C8orf34: variants seen among roughly 807,000 people sequenced by gnomAD.
The protein encoded by C8orf34 is chromosome 8 open reading frame 34.
In C8orf34, 65 loss-of-function variants were observed where a neutral mutation model predicts 68.3. The observed-to-expected ratio is 0.95, with a 90% CI of 0.78 to 1.17. The LOEUF (loss-of-function observed/expected upper bound fraction) is 1.17. Among genes scored for constraint, C8orf34 ranks in the 50% most tolerant of loss-of-function variants. The pLI is 0.00. For synonymous variants in C8orf34, 244 were observed against 241.2 expected, an observed-to-expected ratio of 1.01 and a Z score of -0.11; for missense variants, 664 against 655.4, an observed-to-expected ratio of 1.01 and a Z score of -0.14.
chr8:68,431,021 A>G (rs17467559), intron 1 of C8orf34, among the ~76,000 whole-genome samples: 13,251 of 152,248 alleles, frequency 0.087, 666 homozygotes, highest in Middle Eastern at 0.12. Flanking sequence ...TTTAGGGATG[A>G]TAAAATGGAG....
rs142234572 is a variant in C8orf34, at chr8:68,733,012, T to C, written c.1404+11575T>C. Among the ~76,000 whole-genome samples the C allele has an allele frequency of 4.7e-3, 722 of 152,224 alleles. 3 individuals are homozygous for C. Among genetic ancestry groups the C allele is most frequent in the African/African-American group, 0.016 (644 of 41,536 alleles). On this transcript the variant is annotated intron_variant, in intron 10 of 13. Coordinates refer to ENST00000518698, the MANE Select transcript of C8orf34 (RefSeq NM_052958.4). ...CTTGGAGGCGGAGGTTGCAGTGAGC[T>C]GAGATCACCCCACTGTGCTCCAGCC...
At chr8:68,492,315 G>C (rs1209423069) in intron 5 of C8orf34, among the ~76,000 whole-genome samples, 1 of 151,982 alleles carries the variant, frequency 6.6e-6, no homozygotes, top group Non-Finnish European at 1.5e-5. Flanking sequence ...CTGCAATCTC[G>C]ATCTCCTGGG....
At chr8:68,495,274 A>AATAT (rs142794937) in intron 5 of C8orf34, among the ~76,000 whole-genome samples, 24 of 148,894 alleles carry the variant, frequency 1.6e-4, no homozygotes, top group African/African-American at 3.7e-4. Flanking sequence ...ATGTAACAAT[A>AATAT]ATATATATAT....
intron 10 of C8orf34, among the ~76,000 whole-genome samples, chr8:68,724,310 A>G (rs1423726941): frequency 6.6e-6 from 1 of 152,202 alleles, no homozygotes; most frequent in Non-Finnish European, 1.5e-5. Flanking sequence ...CGTAAGAAAT[A>G]CAAAATACTT....
chr8:68,639,792 T>C (rs1270245704), intron 7 of C8orf34, among the ~76,000 whole-genome samples: 2 of 152,152 alleles, frequency 1.3e-5, no homozygotes, highest in African/African-American at 4.8e-5. Context: ...CTTTGGAGCA[T>C]GACTATTCAG....
intron 4 of C8orf34, among the ~76,000 whole-genome samples, chr8:68,471,714 T>C (rs1180346459): frequency 6.6e-6 from 1 of 152,148 alleles, no homozygotes; most frequent in African/African-American, 2.4e-5. Flanking sequence ...GGCATAATCA[T>C]TGATGCAAAA....
intron 1 of C8orf34, among the ~76,000 whole-genome samples, chr8:68,381,061 A>C (rs562851280): frequency 3.9e-5 from 6 of 152,360 alleles, no homozygotes; most frequent in South Asian, 2.1e-4. Context: ...ATCAGAAAGC[A>C]CAGCTTGAAT....
intron 1 of C8orf34, among the ~76,000 whole-genome samples, chr8:68,425,575 T>C (rs1164444508): frequency 6.6e-6 from 1 of 152,124 alleles, no homozygotes; most frequent in African/African-American, 2.4e-5. Context: ...CGATGAAAAG[T>C]ACAAAATGCT....
chr8:68,381,504 G>T (rs1295686245), intron 1 of C8orf34, among the ~76,000 whole-genome samples: 1 of 151,100 alleles, frequency 6.6e-6, no homozygotes, highest in African/African-American at 2.4e-5. Flanking sequence ...AGGCCGAGGC[G>T]GGTGGATCAT....
At chr8:68,555,018 AC>A (rs1234706192) in intron 7 of C8orf34, among the ~76,000 whole-genome samples, 1 of 152,072 alleles carries the variant, frequency 6.6e-6, no homozygotes, top group Non-Finnish European at 1.5e-5. Context: ...TTATTTTGCC[AC>A]TTTTTTATGT....
chr8:68,373,690 A>C (rs980465688), intron 1 of C8orf34, among the ~76,000 whole-genome samples: 2 of 152,156 alleles, frequency 1.3e-5, no homozygotes, highest in Non-Finnish European at 2.9e-5. Flanking sequence ...GCATATGGCC[A>C]AAAAAATAAA....
In C8orf34 at chr8:68,544,865, A is replaced by C. The variant is rs557120662; in HGVS notation, c.1105+11716A>C. On this transcript the variant is annotated intron_variant, in intron 7 of 13. Transcript: ENST00000518698. ...AATTCAAATTGAAAAGCAAAGATTAAAGAAAAAATAAAACAAGCTTCATTG... is the reference window on the plus strand; with the variant it reads ...AATTCAAATTGAAAAGCAAAGATTACAGAAAAAATAAAACAAGCTTCATTG... 6.6e-5 allele frequency among the ~76,000 whole-genome samples: 10 copies of C among 152,338 alleles called. No homozygotes were observed. In the East Asian group the frequency reaches 1.5e-3, roughly 23 times the overall value.
chr8:68,423,024 G>C (rs1023893417), intron 1 of C8orf34, among the ~76,000 whole-genome samples: 1 of 152,224 alleles, frequency 6.6e-6, no homozygotes. Flanking sequence ...GAGACCCTGA[G>C]CCTGGCCAAG....
At position 68,673,408 on chromosome 8, in the gene C8orf34, G is replaced by C. The variant is rs1413567929; in HGVS notation, c.1241+32897G>C. On this transcript the variant is annotated intron_variant, in intron 8 of 13. Transcript: ENST00000518698. ...GCCTGGGGTCAGAGGAGAGCCCACT[G>C]TCCTTAAAGGAGGGTCCAGCCCTGA... Among the ~76,000 whole-genome samples, 5 of 152,182 alleles carry C rather than the reference G, an allele frequency of 3.3e-5. No individual in the cohort carries two copies. The East Asian group carries it at 9.7e-4, about 30-fold the overall frequency.
intron 1 of C8orf34, among the ~76,000 whole-genome samples, chr8:68,342,232 C>CA (rs1806101391): frequency 6.6e-6 from 1 of 151,968 alleles, no homozygotes; most frequent in Admixed American, 6.5e-5. Flanking sequence ...TTTTAAAAAA[C>CA]AAAACTTAAA....
intron 1 of C8orf34, among the ~76,000 whole-genome samples, chr8:68,391,894 T>A (rs949990474): frequency 6.6e-6 from 1 of 152,084 alleles, no homozygotes; most frequent in Non-Finnish European, 1.5e-5. Flanking sequence ...ACATGGTCAC[T>A]CAGACATTTA....
intron 8 of C8orf34, among the ~76,000 whole-genome samples, chr8:68,702,718 A>G (rs1821054816): frequency 6.6e-6 from 1 of 152,128 alleles, no homozygotes; most frequent in South Asian, 2.1e-4. Flanking sequence ...CATCCATTAC[A>G]TGGTTTAACT....
In C8orf34 at chr8:68,570,786, A is replaced by C. The variant is rs1295629710; in HGVS notation, c.1105+37637A>C. 2.0e-5 allele frequency among the ~76,000 whole-genome samples: 3 copies of C among 152,208 alleles called. No individual in the cohort carries two copies. The East Asian group carries it at 5.8e-4, about 29-fold the overall frequency. The stretch of plus-strand genomic sequence containing the variant: ...GCTGCTGAATTGTAATCTAAATTTT[A>C]ACAAGATCCCATTGTCATAAGTGTG... On this transcript the variant is annotated intron_variant, in intron 7 of 13. Coordinates refer to ENST00000518698, the MANE Select transcript of C8orf34 (RefSeq NM_052958.4).
intron 3 of C8orf34, among the ~76,000 whole-genome samples, chr8:68,455,664 C>T (rs1439454031): frequency 6.6e-6 from 1 of 152,024 alleles, no homozygotes; most frequent in Non-Finnish European, 1.5e-5. Context: ...GCACATTATA[C>T]ATGTAGATCA....
Sources: allele counts gnomAD v4.1 joint callset (sites outside exome capture counted in the v4.1 genomes callset), GRCh38; gene constraint gnomAD v4.1.1; transcripts MANE v1.5; gene names NCBI Gene and HGNC (gene_info 2026-07-23, HGNC 2026-07-21).